PLD5: variants seen among roughly 807,000 people sequenced by gnomAD.
The protein encoded by PLD5 is inactive phospholipase D5.
In PLD5, 36 loss-of-function variants were observed where a neutral mutation model predicts 61.1. The ratio of observed to expected loss-of-function variants is 0.59; its 90% CI spans 0.45 to 0.78. The LOEUF is 0.78. Ranked by LOEUF, PLD5 falls within the 30% of genes least tolerant of loss-of-function variation. The probability of loss-of-function intolerance (pLI) is 0.00; values close to 1 mark genes in which losing one functional copy is unlikely to be tolerated. For synonymous variants in PLD5, 243 were observed against 242.8 expected (o/e 1.00, Z -0.01); for missense variants, 515 against 644.4 (o/e 0.80, Z 2.17).
intron 1 of PLD5, among the ~76,000 whole-genome samples, chr1:242,350,235 C>G (rs576204587): frequency 5.1e-4 from 78 of 151,968 alleles, no homozygotes; most frequent in African/African-American, 1.7e-3. Flanking sequence ...TATAAGCTAC[C>G]GAGTTTATGA....
chr1:242,163,225 G>C (rs1056111241), intron 5 of PLD5, among the ~76,000 whole-genome samples: 4 of 149,846 alleles, frequency 2.7e-5, no homozygotes, highest in Non-Finnish European at 4.4e-5. Flanking sequence ...CTCACTGCAA[G>C]CTCCGCCTCC....
Position 242,394,292 on chromosome 1 carries a change from GTATATA to G in PLD5, c.190-46056_190-46051del, listed in dbSNP as rs1310551426. ...AGTATATATATGTGTATATATATGA[GTATATA>G]TATGAGTATATATGTGTGTATATAT... On this transcript the variant is annotated intron_variant, in intron 1 of 9. Transcript: ENST00000536534. 9.7e-4 allele frequency among the ~76,000 whole-genome samples: 89 copies of G among 91,652 alleles called. 4 individuals carry two copies. The highest frequency in any genetic ancestry group is 1.5e-3 in the Non-Finnish European group (74 of 48,870). The allele number at this position is 91,652 out of a possible 152,430, so 60.1% of individuals were successfully genotyped here.
intron 1 of PLD5, among the ~76,000 whole-genome samples, chr1:242,394,907 A>AAT (rs1558527595): frequency 3.9e-5 from 5 of 129,098 alleles, no homozygotes; most frequent in East Asian, 2.1e-4. Flanking sequence ...ATTATATATG[A>AAT]ATATATATGT....
At chr1:242,468,436 T>C (rs182340228) in intron 1 of PLD5, among the ~76,000 whole-genome samples, 1 of 152,230 alleles carries the variant, frequency 6.6e-6, no homozygotes, top group Non-Finnish European at 1.5e-5. Flanking sequence ...CAAAGTAAAA[T>C]AGAATAGCCT....
intron 5 of PLD5, among the ~76,000 whole-genome samples, chr1:242,159,191 A>G (rs1665634253): frequency 6.6e-6 from 1 of 152,192 alleles, no homozygotes; most frequent in Non-Finnish European, 1.5e-5. Context: ...ATGCTTGATA[A>G]TAAGAATATA....
At chr1:242,181,578 G>C (rs1261991472) in intron 5 of PLD5, among the ~76,000 whole-genome samples, 1 of 151,996 alleles carries the variant, frequency 6.6e-6, no homozygotes, top group Non-Finnish European at 1.5e-5. Context: ...TGCCTCCTGA[G>C]CCCAACACTA....
chr1:242,177,460 A>G (rs577895388), intron 5 of PLD5, among the ~76,000 whole-genome samples: 1 of 152,252 alleles, frequency 6.6e-6, no homozygotes, highest in East Asian at 1.9e-4. Context: ...GAAATACCTA[A>G]TGTAGGTGAC....
intron 1 of PLD5, among the ~76,000 whole-genome samples, chr1:242,490,376 C>A (rs57192688): frequency 0.038 from 5,757 of 152,206 alleles, 355 homozygotes; most frequent in African/African-American, 0.13. Context: ...AAACCAAATA[C>A]CATTTTTTAA....
At chr1:242,225,371 A>G (rs952287195) in intron 4 of PLD5, among the ~76,000 whole-genome samples, 3 of 148,860 alleles carry the variant, frequency 2.0e-5, no homozygotes, top group Non-Finnish European at 4.4e-5. Context: ...ATTTCATGGT[A>G]TGGAATGCAC....
At chr1:242,128,051 G>T (rs1374311353) in intron 5 of PLD5, among the ~76,000 whole-genome samples, 2 of 152,162 alleles carry the variant, frequency 1.3e-5, no homozygotes, top group African/African-American at 2.4e-5. Context: ...ACTGCTCAAA[G>T]CTTGCATGAG....
At chr1:242,340,306 C>G (rs1375196785) in intron 2 of PLD5, among the ~76,000 whole-genome samples, 1 of 151,952 alleles carries the variant, frequency 6.6e-6, no homozygotes, top group East Asian at 1.9e-4. Flanking sequence ...GCTCAGATAT[C>G]AAATAAGGAG....
At chr1:242,194,527 C>G (rs2148937744) in intron 5 of PLD5, among the ~76,000 whole-genome samples, 1 of 152,136 alleles carries the variant, frequency 6.6e-6, no homozygotes. Context: ...CCCTTCAATG[C>G]CCATCAATCA....
At chr1:242,265,532 TTAATC>T (rs1673622152) in intron 3 of PLD5, 84 bp from the exon 4 acceptor site, 25 of 1,156,096 alleles carry the variant, frequency 2.2e-5, no homozygotes, top group South Asian at 1.6e-5. Context: ...CTCATTAAAA[TTAATC>T]TATTCGTTCA....
intron 1 of PLD5, among the ~76,000 whole-genome samples, chr1:242,372,703 G>T (rs12092228): frequency 0.073 from 11,051 of 152,070 alleles, 506 homozygotes; most frequent in Admixed American, 0.11. Context: ...AAGGATTCCC[G>T]ATTTAATAAA....
rs77584045 is a variant in PLD5 at position 242,501,310 on chromosome 1, A to T, written c.189+22778T>A. Reference sequence around the variant, plus strand: ...TGCTTTAAGAAATCCCAGACCAACAAATCTGAGCAGAAAGCGAAGCAGCTG... The same window carrying T: ...TGCTTTAAGAAATCCCAGACCAACATATCTGAGCAGAAAGCGAAGCAGCTG... On this transcript the variant is annotated intron_variant, in intron 1 of 9. Coordinates refer to ENST00000536534, the MANE Select transcript of PLD5 (RefSeq NM_001372062.1). 6.7e-3 allele frequency among the ~76,000 whole-genome samples: 1,014 copies of T among 152,338 alleles called. 12 individuals carry two copies. Among genetic ancestry groups the T allele is most frequent in the African/African-American group, 0.023 (964 of 41,564 alleles).
chr1:242,495,842 A>G (rs1349948516), intron 1 of PLD5, among the ~76,000 whole-genome samples: 2 of 152,214 alleles, frequency 1.3e-5, no homozygotes, highest in African/African-American at 4.8e-5. Context: ...ACCATCATCT[A>G]TCATCAGACC....
At chr1:242,321,253 TTTAA>T (rs1444460417) in intron 2 of PLD5, among the ~76,000 whole-genome samples, 1 of 151,500 alleles carries the variant, frequency 6.6e-6, no homozygotes, top group Non-Finnish European at 1.5e-5. Flanking sequence ...CCTTTAAAGG[TTTAA>T]GAAGAAAAAA....
intron 1 of PLD5, among the ~76,000 whole-genome samples, chr1:242,447,953 T>C (rs1309464636): frequency 3.3e-5 from 5 of 152,246 alleles, no homozygotes; most frequent in Non-Finnish European, 7.3e-5. Context: ...AAGAAAGGAA[T>C]GATTCTGCCT....
intron 1 of PLD5, among the ~76,000 whole-genome samples, chr1:242,373,028 T>G (rs894289137): frequency 2.6e-5 from 4 of 151,974 alleles, no homozygotes; most frequent in African/African-American, 4.8e-5. Context: ...GGGAGAAAAT[T>G]TTTGCAATCT....
Sources: gnomAD v4.1 joint callset for allele counts (sites outside exome capture counted in the v4.1 genomes callset) on GRCh38, gnomAD v4.1.1 for gene constraint, MANE v1.5 for transcripts, NCBI Gene and HGNC (gene_info 2026-07-23, HGNC 2026-07-21) for gene names.